Variants in TENM3 observed in about 807,000 individuals in gnomAD.
TENM3 encodes teneurin-3.
A neutral mutation model predicts 255.1 loss-of-function variants in TENM3; 63 were observed. The observed-to-expected ratio is 0.25, with a 90% CI of 0.20 to 0.30. The LOEUF is 0.30. Ranked by LOEUF, TENM3 falls within the 10% of genes least tolerant of loss-of-function variation. The pLI is 1.00. For synonymous variants in TENM3, 1,306 were observed against 1,322.3 expected, an observed-to-expected ratio of 0.99 and a Z score of 0.27; for missense variants, 2,929 against 3,461.1, an observed-to-expected ratio of 0.85 and a Z score of 3.86.
the TENM3 span, among the ~76,000 whole-genome samples, chr4:182,051,447 G>A: frequency 2.7e-5 from 4 of 145,804 alleles, no homozygotes; most frequent in Admixed American, 2.0e-4. Context: ...GCGCTATCTC[G>A]CCTCACTGCA....
chr4:182,188,092 G>A (rs922445582), intron 1 of TENM3, among the ~76,000 whole-genome samples: 2 of 151,962 alleles, frequency 1.3e-5, no homozygotes, highest in Non-Finnish European at 2.9e-5. Context: ...ATTTGGAGGA[G>A]GTAAGATAAG....
the TENM3 span, among the ~76,000 whole-genome samples, chr4:182,069,474 A>G: frequency 6.6e-6 from 1 of 152,130 alleles, no homozygotes; most frequent in Non-Finnish European, 1.5e-5. Context: ...GCCCCCTTCT[A>G]CCATATATCA....
chr4:182,066,599 A>AAAAAAAAATATAT, the TENM3 span, among the ~76,000 whole-genome samples: 1 of 137,106 alleles, frequency 7.3e-6, no homozygotes, highest in African/African-American at 2.9e-5. Flanking sequence ...GTAAAAAAAA[A>AAAAAAAAATATAT]ATATATATAT....
chr4:182,717,518 A>G (rs1287445011), intron 13 of TENM3, among the ~76,000 whole-genome samples: 2 of 152,192 alleles, frequency 1.3e-5, no homozygotes, highest in Non-Finnish European at 2.9e-5. Context: ...TCAGTAAGGT[A>G]TCCCCCTCAT....
the TENM3 span, among the ~76,000 whole-genome samples, chr4:181,493,512 C>T: frequency 3.5e-4 from 54 of 152,124 alleles, no homozygotes; most frequent in African/African-American, 1.2e-3. Context: ...AGGTGGATCA[C>T]CTGAGGTCAG....
the TENM3 span, among the ~76,000 whole-genome samples, chr4:181,959,651 G>C: frequency 1.3e-4 from 19 of 151,596 alleles, no homozygotes; most frequent in Non-Finnish European, 2.6e-4. Context: ...TCACTTGGGA[G>C]GGGGGACATC....
chr4:181,618,857 A>G, the TENM3 span, among the ~76,000 whole-genome samples: 1 of 152,196 alleles, frequency 6.6e-6, no homozygotes, highest in Non-Finnish European at 1.5e-5. Flanking sequence ...ATTGTTTATG[A>G]ATGCCAACTC....
At chr4:181,517,879 C>T in the TENM3 span, among the ~76,000 whole-genome samples, 1 of 152,144 alleles carries the variant, frequency 6.6e-6, no homozygotes, top group African/African-American at 2.4e-5. Context: ...ACCTAAGGAA[C>T]CAGCACTGAC....
the TENM3 span, among the ~76,000 whole-genome samples, chr4:181,655,526 C>G: frequency 1.4e-3 from 211 of 152,280 alleles, no homozygotes; most frequent in African/African-American, 4.9e-3. Flanking sequence ...GCCTACCACC[C>G]ACCTCTGGGG....
At chr4:182,785,711 A>T (rs1765589947) in intron 24 of TENM3, among the ~76,000 whole-genome samples, 1 of 125,634 alleles carries the variant, frequency 8.0e-6, no homozygotes, top group African/African-American at 3.1e-5. Flanking sequence ...CTGTCTCAAG[A>T]TAAAAAAAAA....
At chr4:182,194,149 C>T (rs1387342449) in intron 1 of TENM3, among the ~76,000 whole-genome samples, 2 of 152,168 alleles carry the variant, frequency 1.3e-5, no homozygotes, top group Non-Finnish European at 2.9e-5. Flanking sequence ...CCCTGGTGTA[C>T]TTCACCAGTT....
In TENM3 at chr4:182,394,251, AT is replaced by A. The variant is rs60655875; in HGVS notation, c.511+47332del. Among the ~76,000 whole-genome samples, 386 of 150,628 alleles carry A rather than the reference AT, an allele frequency of 2.6e-3. 1 individual carries two copies. The highest frequency in any genetic ancestry group is 7.5e-3 in the African/African-American group (308 of 41,094). On this transcript the variant is annotated intron_variant, in intron 3 of 27. Transcript: ENST00000511685. ...ATTTCCCTAGGGAAGAAATCTGAGA[AT>A]TTTTTTTTTATTATGGGGACTTTAC... is the stretch of plus-strand genomic sequence containing the variant.
chr4:181,480,311 G>A, the TENM3 span, among the ~76,000 whole-genome samples: 1 of 152,104 alleles, frequency 6.6e-6, no homozygotes, highest in Non-Finnish European at 1.5e-5. Context: ...AGAGCATAAA[G>A]CTTATAATTG....
chr4:181,531,433 C>A, the TENM3 span, among the ~76,000 whole-genome samples: 1 of 152,182 alleles, frequency 6.6e-6, no homozygotes, highest in Non-Finnish European at 1.5e-5. Flanking sequence ...GAGTCTGTTT[C>A]TGTTGGTTTT....
intron 22 of TENM3, among the ~76,000 whole-genome samples, chr4:182,763,970 A>AACTT (rs1763441553): frequency 1.3e-5 from 2 of 152,248 alleles, no homozygotes; most frequent in African/African-American, 4.8e-5. Flanking sequence ...CTAGTTTTTT[A>AACTT]ACTTAATGTT....
At chr4:182,080,423 C>T in the TENM3 span, among the ~76,000 whole-genome samples, 5 of 151,886 alleles carry the variant, frequency 3.3e-5, no homozygotes, top group African/African-American at 1.2e-4. Context: ...ATTTTTAAAA[C>T]AGGTGTAGAA....
the TENM3 span, among the ~76,000 whole-genome samples, chr4:181,585,573 C>T: frequency 6.6e-6 from 1 of 152,136 alleles, no homozygotes; most frequent in Non-Finnish European, 1.5e-5. Flanking sequence ...CACTTGGTCT[C>T]GTGTTTTCAT....
At chr4:182,160,694 A>T (rs560721761) in intron 1 of TENM3, among the ~76,000 whole-genome samples, 1 of 152,168 alleles carries the variant, frequency 6.6e-6, no homozygotes, top group Non-Finnish European at 1.5e-5. Context: ...GGACATGGGG[A>T]AGGGGAGACG....
intron 1 of TENM3, among the ~76,000 whole-genome samples, chr4:182,278,280 T>C (rs140890966): frequency 0.018 from 2,665 of 151,938 alleles, 40 homozygotes; most frequent in Non-Finnish European, 0.025. Context: ...GGCAGGAGAA[T>C]AGATTGAACC....
Sources: allele counts gnomAD v4.1 joint callset (sites outside exome capture counted in the v4.1 genomes callset), GRCh38; gene constraint gnomAD v4.1.1; transcripts MANE v1.5; gene names NCBI Gene and HGNC (gene_info 2026-07-23, HGNC 2026-07-21).